Variants in IRAG1 observed in about 807,000 individuals in gnomAD.
The protein encoded by IRAG1 is IP3R-associated cGMP kinase substrate.
Under a neutral mutation model 106.2 loss-of-function variants are expected in IRAG1, and 62 were observed. The ratio of observed to expected loss-of-function variants is 0.58; its 90% confidence interval spans 0.48 to 0.72. The LOEUF (loss-of-function observed/expected upper bound fraction) is 0.72, where lower values mean the gene tolerates loss of function less well. Ranked by LOEUF, IRAG1 falls within the 30% of genes least tolerant of loss-of-function variation. The pLI is 0.00. For synonymous variants in IRAG1, 462 were observed against 443.9 expected, an observed-to-expected ratio of 1.04 and a Z score of -0.51; for missense variants, 1,064 against 1,140.7, an observed-to-expected ratio of 0.93 and a Z score of 0.97.
rs745710445 is a variant in IRAG1, at chr11:10,629,677, G to T, written c.435C>A (p.Asp145Glu). The T allele has an allele frequency of 6.2e-7, 1 of 1,613,864 alleles. No homozygotes were observed. Among genetic ancestry groups the T allele is most frequent in the East Asian group, 2.2e-5 (1 of 44,886 alleles). ...CTGAGATGCTGATGTCTGGCAGCTG[G>T]TCATTCACCAGGTCAATGATGTGCC... ...PAGHIIDLVN[D>E]QLPDISISEE... The change falls in exon 5 of 21, where the codon GAC becomes GAA. Residue 145 changes from aspartate (D) to glutamate (E), a missense_variant. Physicochemically the swap from Asp to Glu is conservative, Grantham distance 45. Coordinates refer to ENST00000423302, the MANE Select transcript of IRAG1 (RefSeq NM_130385.4).
chr11:10,584,678 G>A (rs1378989014), intron 18 of IRAG1, among the ~76,000 whole-genome samples: 2 of 150,880 alleles, frequency 1.3e-5, no homozygotes, highest in Admixed American at 1.3e-4. Context: ...GGAGGACAGT[G>A]TAGTATAAAG....
At chr11:10,616,939 A>G in intron 10 of IRAG1, 2 of 686,840 alleles carry the variant, frequency 2.9e-6, no homozygotes, top group Non-Finnish European at 3.6e-6. Context: ...TGACCATGTC[A>G]GGGACTTGGA....
intron 10 of IRAG1, among the ~76,000 whole-genome samples, chr11:10,618,966 G>A (rs1375528663): frequency 6.6e-6 from 1 of 152,188 alleles, no homozygotes; most frequent in African/African-American, 2.4e-5. Context: ...GGGGTTGGGA[G>A]TGCAGGGAGA....
At chr11:10,687,876 TGGGG>T in intron 1 of IRAG1, 4 of 963,932 alleles carry the variant, frequency 4.1e-6, no homozygotes, top group Non-Finnish European at 5.5e-6. Flanking sequence ...TGCTTTTTTT[TGGGG>T]GGGGGTGGTA....
chr11:10,646,447 C>T (rs1237680659), intron 2 of IRAG1, among the ~76,000 whole-genome samples: 1 of 152,082 alleles, frequency 6.6e-6, no homozygotes, highest in Non-Finnish European at 1.5e-5. Flanking sequence ...AATTATCTAC[C>T]CAACCCCAGA....
Position 10,629,601 on chromosome 11 carries a change from T to A in IRAG1, c.511A>T (p.Ser171Cys), listed in dbSNP as rs1348338799. 1 of 1,614,014 alleles carries A rather than the reference T, an allele frequency of 6.2e-7. No homozygotes were observed. The change falls in exon 5 of 21, where the codon AGT (serine) becomes TGT (cysteine). Residue 171 changes from serine (S) to cysteine (C), a missense_variant. Coordinates refer to ENST00000423302, the MANE Select transcript of IRAG1 (RefSeq NM_130385.4). The part of the protein sequence containing the change: ...LALLEEAKLV[S>C]ERFLTRRGRK... ...CCACGGCGGGTCAGGAATCGCTCAC[T>A]CACCAACTTGGCTTCTTCCAGCAGC...
intron 11 of IRAG1, 34 bp from the exon 12 acceptor site, chr11:10,606,806 G>C: frequency 6.4e-7 from 1 of 1,557,892 alleles, no homozygotes; most frequent in Non-Finnish European, 8.7e-7. Flanking sequence ...TGAACTGTGT[G>C]CAACCTAGTC....
chr11:10,600,852 C>A (rs1853918302), intron 15 of IRAG1, 66 bp downstream of exon 15: 1 of 1,599,328 alleles, frequency 6.3e-7, no homozygotes, highest in African/African-American at 1.3e-5. Flanking sequence ...CAGCTCTAAT[C>A]CTAGCCAAGA....
Position 10,647,163 on chromosome 11 carries a change from GCT to G in IRAG1, c.225+4860_225+4861del, listed in dbSNP as rs149671363. Among the ~76,000 whole-genome samples the G allele has an allele frequency of 6.3e-3, 960 of 152,292 alleles. 13 individuals are homozygous for G. Among genetic ancestry groups the G allele is most frequent in the African/African-American group, 0.021 (892 of 41,572 alleles). On this transcript the variant is annotated intron_variant, in intron 2 of 20. Coordinates refer to ENST00000423302, the MANE Select transcript of IRAG1 (RefSeq NM_130385.4). This position sits in a 1 kb window ranked among gnomAD's most constrained non-coding sequence, Gnocchi z 4.3. ...ACGTACTGTTGGCCCAGGTCCCAGA[GCT>G]CTCACTGAGGACCCAGGGGCAGTAA...
chr11:10,666,351 A>T (rs1285937035), intron 1 of IRAG1, among the ~76,000 whole-genome samples: 1 of 152,238 alleles, frequency 6.6e-6, no homozygotes, highest in Non-Finnish European at 1.5e-5. Flanking sequence ...CAGACATCAC[A>T]ATTACTAAGT....
intron 18 of IRAG1, among the ~76,000 whole-genome samples, chr11:10,591,132 T>C (rs993189676): frequency 6.6e-6 from 1 of 152,190 alleles, no homozygotes; most frequent in Non-Finnish European, 1.5e-5. Context: ...GCCACAATCC[T>C]GATGATGAAG....
intron 1 of IRAG1, among the ~76,000 whole-genome samples, chr11:10,689,164 G>A (rs1019081845): frequency 1.3e-5 from 2 of 151,920 alleles, no homozygotes; most frequent in Middle Eastern, 3.4e-3. Context: ...AAATGAAAAC[G>A]GTTATTAAAC....
chr11:10,635,813 TGC>T (rs758553518), intron 2 of IRAG1, among the ~76,000 whole-genome samples: 20 of 152,306 alleles, frequency 1.3e-4, no homozygotes, highest in Non-Finnish European at 8.8e-5. Context: ...GGGAGCACCA[TGC>T]TGCTTCTCTT....
intron 11 of IRAG1, among the ~76,000 whole-genome samples, chr11:10,607,026 T>C (rs574349304): frequency 6.4e-4 from 98 of 152,276 alleles, no homozygotes; most frequent in Non-Finnish European, 8.8e-4. Context: ...ATCTGCAAAA[T>C]GGGAATCATA....
intron 19 of IRAG1, 88 bp from the exon 20 acceptor site, chr11:10,580,677 C>T: frequency 6.9e-7 from 1 of 1,453,808 alleles, no homozygotes; most frequent in Non-Finnish European, 9.3e-7. Flanking sequence ...ACTTGAGCAG[C>T]ACCTCCAATA....
At chr11:10,633,204 A>G (rs1323982911) in intron 3 of IRAG1, among the ~76,000 whole-genome samples, 1 of 151,156 alleles carries the variant, frequency 6.6e-6, no homozygotes, top group Non-Finnish European at 1.5e-5. Flanking sequence ...CCTCCCGAGT[A>G]GCTGGGACTA....
At position 10,626,532 on chromosome 11, in the gene IRAG1, A is replaced by T. The variant is rs1055397723; in HGVS notation, c.802T>A (p.Ser268Thr). 2 of 1,613,040 alleles carry T rather than the reference A, an allele frequency of 1.2e-6. No homozygotes were observed. Among genetic ancestry groups the T allele is most frequent in the Non-Finnish European group, 1.7e-6 (2 of 1,179,486 alleles). ...GGACGAGGAGCCAGCCTGCCCTGAG[A>T]CACTTTCCTCTGGTCATTCTGCTTC... is the stretch of plus-strand genomic sequence containing the variant. ...DRKQNDQRKV[S>T]QGRLAPRPPP... The change falls in exon 9 of 21, where the codon TCT (serine) becomes ACT (threonine). Residue 268 changes from serine to threonine, a missense_variant. Physicochemically the swap from Ser to Thr is moderately conservative, Grantham distance 58. Coordinates refer to ENST00000423302, the MANE Select transcript of IRAG1 (RefSeq NM_130385.4).
intron 2 of IRAG1, among the ~76,000 whole-genome samples, chr11:10,634,584 ACT>A (rs1856993248): frequency 6.6e-6 from 1 of 151,742 alleles, no homozygotes; most frequent in Non-Finnish European, 1.5e-5. Context: ...CCACCATTCT[ACT>A]CTCTGTTTCT....
chr11:10,651,452 A>G (rs1858497559), intron 2 of IRAG1, among the ~76,000 whole-genome samples: 1 of 152,264 alleles, frequency 6.6e-6, no homozygotes, highest in South Asian at 2.1e-4. Context: ...TCTTTCTTCA[A>G]TCTGAAAATT....
Sources: allele counts gnomAD v4.1 joint callset (sites outside exome capture counted in the v4.1 genomes callset), GRCh38; gene constraint gnomAD v4.1.1; non-coding constraint Gnocchi (gnomAD v3.1); transcripts MANE v1.5; gene names NCBI Gene and HGNC (gene_info 2026-07-23, HGNC 2026-07-21).